The following GLIS3 variants were observed in gnomAD, a reference collection of about 807,000 sequenced individuals.
The protein encoded by GLIS3 is zinc finger protein GLIS3.
GLIS3 carries 53 observed loss-of-function variants against 78.6 expected under a neutral mutation model. The ratio of observed to expected loss-of-function variants is 0.67; its 90% confidence interval spans 0.54 to 0.85. GLIS3 has a LOEUF of 0.85. GLIS3 is among the 40% of genes least tolerant of loss of function. GLIS3 has a pLI of 0.00. For synonymous variants in GLIS3, 684 were observed against 509.9 expected, an observed-to-expected ratio of 1.34 and a Z score of -4.60; for missense variants, 1,703 against 1,231.1, an observed-to-expected ratio of 1.38 and a Z score of -5.74.
intron 2 of GLIS3, among the ~76,000 whole-genome samples, chr9:4,224,110 C>G (rs1821559118): frequency 6.6e-6 from 1 of 152,144 alleles, no homozygotes. Context: ...AAATCACACA[C>G]AGTGGGCTCA....
intron 2 of GLIS3, among the ~76,000 whole-genome samples, chr9:4,220,369 G>A (rs1317801938): frequency 2.0e-5 from 3 of 152,174 alleles, no homozygotes; most frequent in Non-Finnish European, 4.4e-5. Flanking sequence ...TTAATCACTT[G>A]TAAATTCGTG....
intron 6 of GLIS3, among the ~76,000 whole-genome samples, chr9:3,918,754 AAC>A (rs1248721771): frequency 6.6e-6 from 1 of 152,186 alleles, no homozygotes; most frequent in Non-Finnish European, 1.5e-5. Context: ...TTGAAAACAA[AAC>A]ACAAAAAAAC....
chr9:4,416,252 TAAA>T, the GLIS3 span, among the ~76,000 whole-genome samples: 3 of 75,802 alleles, frequency 4.0e-5, no homozygotes, highest in African/African-American at 5.3e-5. Context: ...ACACTGTTTT[TAAA>T]AAAAAAAAAA....
At chr9:3,849,431 C>T (rs1819279419) in intron 9 of GLIS3, among the ~76,000 whole-genome samples, 1 of 152,190 alleles carries the variant, frequency 6.6e-6, no homozygotes, top group African/African-American at 2.4e-5. Context: ...GTCCTTTACT[C>T]TTCACCCTCG....
rs572783199 is a variant in GLIS3 at position 4,247,662 on chromosome 9, A to T, written c.388+38376T>A. Among the ~76,000 whole-genome samples, 321 of 152,354 alleles carry T rather than the reference A, an allele frequency of 2.1e-3. 3 individuals carry two copies. The highest frequency in any genetic ancestry group is 7.4e-3 in the African/African-American group (309 of 41,588). Reference sequence around the variant, plus strand: ...ATACAGACAATTCAGTAAGATAAAAAAACAAATATTTAAATATTAAAAGAA... The same window carrying T: ...ATACAGACAATTCAGTAAGATAAAATAACAAATATTTAAATATTAAAAGAA... On this transcript the variant is annotated intron_variant, in intron 2 of 10. Coordinates refer to ENST00000381971, the MANE Select transcript of GLIS3 (RefSeq NM_001042413.2).
the GLIS3 span, among the ~76,000 whole-genome samples, chr9:4,466,683 T>A: frequency 8.9e-3 from 1,349 of 152,284 alleles, 12 homozygotes; most frequent in African/African-American, 0.03. Flanking sequence ...GATGGCTGAA[T>A]AGGAACAGCT....
chr9:4,197,794 C>G (rs936970868), intron 2 of GLIS3, among the ~76,000 whole-genome samples: 1 of 152,188 alleles, frequency 6.6e-6, no homozygotes, highest in Non-Finnish European at 1.5e-5. Context: ...TCTGCGCCAT[C>G]TACTGGCTTG....
the GLIS3 span, among the ~76,000 whole-genome samples, chr9:4,369,812 C>G: frequency 6.6e-6 from 1 of 152,042 alleles, no homozygotes; most frequent in African/African-American, 2.4e-5. Context: ...AGATAAAATC[C>G]TATGTTCATG....
At chr9:4,116,077 C>T (rs548237278) in intron 4 of GLIS3, among the ~76,000 whole-genome samples, 1 of 152,180 alleles carries the variant, frequency 6.6e-6, no homozygotes, top group Admixed American at 6.5e-5. Flanking sequence ...CTTTGCAAAG[C>T]CTGGCAACAG....
chr9:3,873,649 AAAAAT>A (rs1214642726), intron 8 of GLIS3, among the ~76,000 whole-genome samples: 40 of 152,104 alleles, frequency 2.6e-4, no homozygotes, highest in East Asian at 1.2e-3. Context: ...AAATTTGCAC[AAAAAT>A]AAAATAAAGA....
At chr9:4,424,389 C>G in the GLIS3 span, among the ~76,000 whole-genome samples, 1 of 152,142 alleles carries the variant, frequency 6.6e-6, no homozygotes, top group Admixed American at 6.5e-5. Flanking sequence ...GAATCTCTGC[C>G]TCTTTAATTA....
At chr9:4,478,212 G>A in the GLIS3 span, among the ~76,000 whole-genome samples, 1 of 152,232 alleles carries the variant, frequency 6.6e-6, no homozygotes, top group African/African-American at 2.4e-5. Flanking sequence ...ATTGGCCAAA[G>A]ATGGGATGAT....
upstream of GLIS3, among the ~76,000 whole-genome samples, chr9:4,351,147 G>A (rs1026661917): frequency 1.3e-5 from 2 of 152,184 alleles, no homozygotes; most frequent in African/African-American, 4.8e-5. Flanking sequence ...CTTACAGGGA[G>A]CTGGAGAATT....
chr9:3,852,357 C>T (rs529042227), intron 9 of GLIS3, among the ~76,000 whole-genome samples: 28 of 152,200 alleles, frequency 1.8e-4, no homozygotes, highest in Non-Finnish European at 2.5e-4. Context: ...ATTAAAACCA[C>T]GAAGTTTTTG....
chr9:4,085,157 T>A (rs189369238), intron 4 of GLIS3, among the ~76,000 whole-genome samples: 1 of 152,102 alleles, frequency 6.6e-6, no homozygotes, highest in Non-Finnish European at 1.5e-5. Context: ...AGTAAAGCAA[T>A]GGTCAGACAC....
At chr9:4,334,727 C>G (rs1817731119) in intron 2 of GLIS3, among the ~76,000 whole-genome samples, 1 of 152,134 alleles carries the variant, frequency 6.6e-6, no homozygotes, top group African/African-American at 2.4e-5. Flanking sequence ...TGAGTCACAG[C>G]ATTCATTCTC....
chr9:4,216,291 T>G (rs965848205), intron 2 of GLIS3, among the ~76,000 whole-genome samples: 2 of 151,644 alleles, frequency 1.3e-5, no homozygotes, highest in Admixed American at 1.3e-4. Flanking sequence ...GCTAACATGG[T>G]GAAACCCCGC....
At chr9:4,293,108 G>A (rs978355286) in intron 1 of GLIS3, among the ~76,000 whole-genome samples, 1 of 152,080 alleles carries the variant, frequency 6.6e-6, no homozygotes, top group Non-Finnish European at 1.5e-5. Context: ...GGGTACATAA[G>A]GAATAAAATG....
intron 1 of GLIS3, among the ~76,000 whole-genome samples, chr9:4,289,770 T>C (rs999714379): frequency 6.6e-6 from 1 of 152,156 alleles, no homozygotes; most frequent in Non-Finnish European, 1.5e-5. Context: ...ACTACATTGG[T>C]TCCTACAATG....
Sources: allele counts gnomAD v4.1 joint callset (sites outside exome capture counted in the v4.1 genomes callset), GRCh38; gene constraint gnomAD v4.1.1; transcripts MANE v1.5; gene names NCBI Gene and HGNC (gene_info 2026-07-23, HGNC 2026-07-21).